IQCN: variants seen among roughly 807,000 people sequenced by gnomAD.
IQCN encodes the protein IQ domain-containing protein N.
IQCN carries 46 observed loss-of-function variants against 64.4 expected under a neutral mutation model. That is an observed-to-expected ratio of 0.71 (90% CI 0.56 to 0.91). IQCN has a LOEUF of 0.91. Among genes scored for constraint, IQCN ranks in the 40% least tolerant of loss-of-function variants. The pLI, the probability that IQCN is intolerant of heterozygous loss-of-function variation, is 0.00. For synonymous variants in IQCN, 733 were observed against 775.6 expected, an observed-to-expected ratio of 0.95 and a Z score of 0.91; for missense variants, 1,753 against 1,857.4, an observed-to-expected ratio of 0.94 and a Z score of 1.03.
intron 1 of IQCN, among the ~76,000 whole-genome samples, chr19:18,272,634 G>A (rs1021333424): frequency 3.5e-5 from 5 of 144,570 alleles, no homozygotes; most frequent in African/African-American, 1.3e-4. Flanking sequence ...TTTTTGAGAC[G>A]GAGTCTCGTT....
chr19:18,270,679 G>A (rs565876508), intron 1 of IQCN, among the ~76,000 whole-genome samples: 1 of 151,922 alleles, frequency 6.6e-6, no homozygotes, highest in East Asian at 1.9e-4. Flanking sequence ...TTAAAACAGA[G>A]TCCCACCCTT....
At position 18,257,865 on chromosome 19, in the gene IQCN, G is replaced by GC. The variant is rs781149862; in HGVS notation, c.3418dup (p.Ala1140GlyfsTer64). 1.9e-6 allele frequency: 3 copies of GC among 1,611,930 alleles called. No homozygotes were observed. Among genetic ancestry groups the GC allele is most frequent in the African/African-American group, 1.3e-5 (1 of 74,922 alleles). On this transcript the variant is annotated frameshift_variant, in exon 4 of 4. Coordinates refer to ENST00000392413, the MANE Select transcript of IQCN (RefSeq NM_001145304.2). LOFTEE classifies it low-confidence loss of function (END_TRUNC). ...GCGCCAAGTAGCTTGGATGACCATG[G>GC]CCCCCCGGTGCCACAGCCGGATCCT...
rs1969579888 is a variant in IQCN at position 18,266,266 on chromosome 19, G to GCCGTGATGGT, written c.1264_1273dup (p.Ala425AspfsTer128). The GCCGTGATGGT allele has an allele frequency of 6.2e-7, 1 of 1,613,646 alleles. No homozygotes were observed. Among genetic ancestry groups the GCCGTGATGGT allele is most frequent in the Non-Finnish European group, 8.5e-7 (1 of 1,179,810 alleles). On this transcript the variant is annotated frameshift_variant, in exon 3 of 4. Coordinates refer to ENST00000392413, the MANE Select transcript of IQCN (RefSeq NM_001145304.2). LOFTEE classifies it high-confidence loss of function. This position sits in a 1 kb window ranked among gnomAD's most constrained non-coding sequence, Gnocchi z 4.3. ...AAGGGAAACCTGAGGTCGGTTCTTT[G>GCCGTGATGGT]CCGTGATGGTCGCAGGGCATGTCTG...
chr19:18,266,778 G>T lies in IQCN; in HGVS notation c.762C>A (p.Asp254Glu). 1 of 1,614,162 alleles carries T rather than the reference G, an allele frequency of 6.2e-7. No individual in the cohort carries two copies. Among genetic ancestry groups the T allele is most frequent in the Non-Finnish European group, 8.5e-7 (1 of 1,180,024 alleles). ...TIRFPCPVSL[D>E]AKCQPCLLTR... is the part of the protein sequence containing the mutation. ...TCAGCAGGCATGGCTGGCATTTTGC[G>T]TCCAGACTCACTGGGCAGGGAAATC... is the stretch of plus-strand genomic sequence containing the variant. Residue 254 changes from aspartate (D) to glutamate (E), a missense_variant, in exon 3 of 4, where the codon GAC (aspartate) becomes GAA (glutamate). By Grantham distance (45) the Asp-to-Glu change is conservative. Coordinates refer to ENST00000392413, the MANE Select transcript of IQCN (RefSeq NM_001145304.2). This position sits in a 1 kb window ranked among gnomAD's most constrained non-coding sequence, Gnocchi z 4.3.
At chr19:18,274,212 G>A (rs912339710) in intron 1 of IQCN, among the ~76,000 whole-genome samples, 191 bp downstream of exon 1, 3 of 152,060 alleles carry the variant, frequency 2.0e-5, no homozygotes, top group Non-Finnish European at 2.9e-5. Flanking sequence ...TGCTGTGAGG[G>A]GCCAAGGAGC....
chr19:18,274,118 AAG>A (rs1969800960), intron 1 of IQCN, among the ~76,000 whole-genome samples: 1 of 152,068 alleles, frequency 6.6e-6, no homozygotes, highest in African/African-American at 2.4e-5. Flanking sequence ...AATAATAATA[AAG>A]AGACATAACA....
rs1336626651 is a variant in IQCN at position 18,267,194 on chromosome 19, C to T, written c.346G>A (p.Gly116Ser). 6.2e-6 allele frequency: 10 copies of T among 1,614,274 alleles called. No individual in the cohort carries two copies. Among genetic ancestry groups the T allele is most frequent in the Non-Finnish European group, 8.5e-6 (10 of 1,180,054 alleles). Residue 116 changes from glycine (G) to serine (S), a missense_variant, in exon 3 of 4, where the codon GGC (glycine) becomes AGC (serine). Physicochemically the swap from Gly to Ser is moderately conservative, Grantham distance 56 (BLOSUM62 0). Transcript: ENST00000392413. ...ATCAGCTTCTGCCGGAGCCAATAGC[C>T]CCTCCAGTTGGCTTGGATGAGCGTG... Reference protein sequence around the residue: ...AATLIQANWRGYWLRQKLISQ... With the variant: ...AATLIQANWRSYWLRQKLISQ...
chr19:18,269,727 A>G (rs1969695074), intron 1 of IQCN, 140 bp from the exon 2 acceptor site: 1 of 498,300 alleles, frequency 2.0e-6, no homozygotes, highest in East Asian at 3.3e-5. Context: ...GTTATTTTGT[A>G]GCTAGAAATC....
Position 18,267,035 on chromosome 19 carries a change from G to A in IQCN, c.505C>T (p.Gln169Ter), listed in dbSNP as rs760869877. 1 of 1,614,240 alleles carries A rather than the reference G, an allele frequency of 6.2e-7. No homozygotes were observed. The highest frequency in any genetic ancestry group is 8.5e-7 in the Non-Finnish European group (1 of 1,180,044). ...TCCGGATGCTGGAAGCGCACCTGCT[G>A]TGGGGCGTGATAAGGTATGTCCCCC... ...EEGDIPYHAP[Q>*]QVRFQHPEEN... Residue 169 changes from glutamine to a stop codon, truncating the protein, a stop_gained, in exon 3 of 4, where the codon CAG becomes TAG. Transcript: ENST00000392413. LOFTEE classifies it high-confidence loss of function.
At position 18,257,868 on chromosome 19, in the gene IQCN, C is replaced by T. The variant is rs1969340224; in HGVS notation, c.3416G>A (p.Gly1139Glu). 1.9e-6 allele frequency: 3 copies of T among 1,612,282 alleles called. No homozygotes were observed. The highest frequency in any genetic ancestry group is 1.7e-6 in the Non-Finnish European group (2 of 1,179,900). ...ARRRIRLWHR[G>E]AMVIQATWRG... ...CCAAGTAGCTTGGATGACCATGGCC[C>T]CCCGGTGCCACAGCCGGATCCTGCG... is the stretch of plus-strand genomic sequence containing the variant. Residue 1139 changes from glycine to glutamate, a missense_variant, in exon 4 of 4, where the codon GGG (glycine) becomes GAG (glutamate). Coordinates refer to ENST00000392413, the MANE Select transcript of IQCN (RefSeq NM_001145304.2).
chr19:18,271,129 G>A (rs1026601897), intron 1 of IQCN, among the ~76,000 whole-genome samples: 17 of 144,666 alleles, frequency 1.2e-4, no homozygotes, highest in African/African-American at 3.9e-4. Flanking sequence ...CCGAGATCAC[G>A]CAACTGCACT....
intron 3 of IQCN, chr19:18,259,518 C>T (rs779283575): frequency 4.6e-5 from 7 of 152,290 alleles, no homozygotes; most frequent in African/African-American, 1.7e-4. Context: ...ACCCATGCCT[C>T]GGATGGTGGA....
chr19:18,262,987 A>C (rs138813842), intron 3 of IQCN, among the ~76,000 whole-genome samples: 11 of 152,288 alleles, frequency 7.2e-5, no homozygotes, highest in African/African-American at 2.6e-4. Context: ...TCTGAGCCCC[A>C]GTGAACACGC....
chr19:18,269,623 G>A, intron 1 of IQCN, 36 bp from the exon 2 acceptor site: 12 of 496,032 alleles, frequency 2.4e-5, no homozygotes, highest in South Asian at 1.6e-4. Context: ...AATGTTAAAA[G>A]CAAAAATGCT....
Position 18,257,742 on chromosome 19 carries a change from C to G in IQCN, c.3542G>C (p.Arg1181Pro). The change falls in exon 4 of 4, where the codon CGG (arginine) becomes CCG (proline). Residue 1181 changes from arginine (R) to proline (P), a missense_variant. By Grantham distance (103) the Arg-to-Pro change is moderately radical (BLOSUM62 -2). Coordinates refer to ENST00000392413, the MANE Select transcript of IQCN (RefSeq NM_001145304.2). Reference protein sequence around the residue: ...RGYSTRRDQARHWQMLHPVTW... With the variant: ...RGYSTRRDQAPHWQMLHPVTW... ...GACGGGGTGGAGCATCTGCCAGTGC[C>G]GGGCTTGGTCCCGGCGGGTGCTGTA... 1 of 1,610,892 alleles carries G rather than the reference C, an allele frequency of 6.2e-7. No homozygotes were observed. The highest frequency in any genetic ancestry group is 1.1e-5 in the South Asian group (1 of 90,888).
In IQCN at chr19:18,266,349, C is replaced by G; in HGVS notation, c.1191G>C (p.Met397Ile). ...GTACCTGGATCTTGGTCATTGTGGG[C>G]ATGGGGCATGTGTGAGGTGCAGTTT... ...VTKTAPHTCPMPTMTKIQVHP... is the reference protein window; with the variant it reads ...VTKTAPHTCPIPTMTKIQVHP... Residue 397 changes from methionine (M) to isoleucine (I), a missense_variant, in exon 3 of 4, where the codon ATG (methionine) becomes ATC (isoleucine). By Grantham distance (10) the Met-to-Ile change is conservative. Coordinates refer to ENST00000392413, the MANE Select transcript of IQCN (RefSeq NM_001145304.2). This position sits in a 1 kb window ranked among gnomAD's most constrained non-coding sequence, Gnocchi z 4.3. 1 of 1,612,188 alleles carries G rather than the reference C, an allele frequency of 6.2e-7. No homozygotes were observed. The highest frequency in any genetic ancestry group is 8.5e-7 in the Non-Finnish European group (1 of 1,179,294).
intron 1 of IQCN, among the ~76,000 whole-genome samples, chr19:18,271,617 G>C (rs1007205966): frequency 6.6e-6 from 1 of 152,206 alleles, no homozygotes; most frequent in East Asian, 1.9e-4. Context: ...ATAATTGCTG[G>C]ATCGGCCAAG....
Position 18,265,024 on chromosome 19 carries a change from G to A in IQCN, c.2516C>T (p.Thr839Ile), listed in dbSNP as rs774146126. Residue 839 changes from threonine to isoleucine, a missense_variant, in exon 3 of 4, where the codon ACC becomes ATC. Coordinates refer to ENST00000392413, the MANE Select transcript of IQCN (RefSeq NM_001145304.2). The surrounding 1 kb of genome is among the most constrained non-coding windows in gnomAD (Gnocchi z 4.7). The stretch of plus-strand genomic sequence containing the variant: ...CTCAACGTTGCATGTGGAATGGCCG[G>A]TGGGTGCCATCGGCGGCACCAGCAT... ...QGMLVPPMAPTGHSTCNVESW... is the reference protein window; with the variant it reads ...QGMLVPPMAPIGHSTCNVESW... 6.9e-5 allele frequency: 111 copies of A among 1,602,828 alleles called. No individual in the cohort carries two copies. The highest frequency in any genetic ancestry group is 8.8e-5 in the Non-Finnish European group (104 of 1,179,852).
chr19:18,274,146 C>G (rs952267004), intron 1 of IQCN, among the ~76,000 whole-genome samples: 2 of 152,066 alleles, frequency 1.3e-5, no homozygotes, highest in African/African-American at 4.8e-5. Context: ...TCCATGATGT[C>G]CCCCATCACA....
Sources: gnomAD v4.1 joint callset for allele counts (sites outside exome capture counted in the v4.1 genomes callset) on GRCh38, gnomAD v4.1.1 for gene constraint, Gnocchi (gnomAD v3.1) non-coding constraint, MANE v1.5 for transcripts, NCBI Gene and HGNC (gene_info 2026-07-23, HGNC 2026-07-21) for gene names.